Variants in AOX1 observed in about 807,000 individuals in gnomAD.
AOX1 encodes aldehyde oxidase 1.
AOX1 carries 153 observed loss-of-function variants against 169.5 expected under a neutral mutation model. That is an observed-to-expected ratio of 0.90 (90% CI 0.79 to 1.03). The LOEUF is 1.03. AOX1 is among the 50% of genes least tolerant of loss of function. The pLI is 0.00. For missense variants in AOX1, 1,656 were observed against 1,663.9 expected (o/e 1.00, Z 0.08); for synonymous variants, 562 against 581.9 (o/e 0.97, Z 0.49).
chr2:200,662,869 A>C lies in AOX1; in HGVS notation c.3443A>C (p.Asp1148Ala). Residue 1148 changes from aspartate to alanine, a missense_variant, in exon 31 of 35, where the codon GAC becomes GCC. Coordinates refer to ENST00000374700, the MANE Select transcript of AOX1 (RefSeq NM_001159.4). Reference sequence around the variant, plus strand: ...GTTTCTTCCAGAGGTTATGAGTCAGACATGAACTGGGAGAAAGGCGAAGGC... The same window carrying C: ...GTTTCTTCCAGAGGTTATGAGTCAGCCATGAACTGGGAGAAAGGCGAAGGC... The part of the protein sequence containing the change: ...AVGYFRGYES[D>A]MNWEKGEGQP... 1 of 1,613,998 alleles carries C rather than the reference A, an allele frequency of 6.2e-7. No homozygotes were observed. The highest frequency in any genetic ancestry group is 8.5e-7 in the Non-Finnish European group (1 of 1,179,888).
chr2:200,616,096 A>G (rs766852129), intron 16 of AOX1, 33 bp downstream of exon 16: 32 of 1,483,492 alleles, frequency 2.2e-5, no homozygotes, highest in Non-Finnish European at 3.0e-5. Context: ...AAAAATTCAC[A>G]ATCTGGGCTA....
chr2:200,647,567 G>A (rs113487822), intron 25 of AOX1, among the ~76,000 whole-genome samples: 4,092 of 152,224 alleles, frequency 0.027, 171 homozygotes, highest in African/African-American at 0.089. Flanking sequence ...ATGTGCCTAC[G>A]TGAAGATCTT....
downstream of AOX1, among the ~76,000 whole-genome samples, chr2:200,673,505 C>G (rs143398871): frequency 4.6e-5 from 7 of 152,198 alleles, no homozygotes; most frequent in Non-Finnish European, 1.5e-5. Context: ...CTCTTTATTT[C>G]CATAGCCTCT....
chr2:200,637,489 A>G (rs1247462298), intron 22 of AOX1, among the ~76,000 whole-genome samples: 1 of 152,158 alleles, frequency 6.6e-6, no homozygotes, highest in African/African-American at 2.4e-5. Flanking sequence ...GTTTGTGTGT[A>G]TATATGTACA....
intron 5 of AOX1, 124 bp from the exon 6 acceptor site, chr2:200,602,160 A>T: frequency 3.0e-6 from 2 of 677,708 alleles, no homozygotes; most frequent in Non-Finnish European, 5.1e-6. Context: ...TTTGTAGATT[A>T]GGTGGACTAA....
At chr2:200,637,120 A>AT (rs2035251349) in intron 22 of AOX1, 76 bp downstream of exon 22, 1 of 1,556,712 alleles carries the variant, frequency 6.4e-7, no homozygotes, top group South Asian at 1.2e-5. Flanking sequence ...ATGAGGAAGA[A>AT]CCTGGGCCAA....
At chr2:200,680,521 G>A (rs2036142607), downstream of AOX1, among the ~76,000 whole-genome samples, 1 of 129,310 alleles carries the variant, frequency 7.7e-6, no homozygotes. Context: ...GTGTGTGTTT[G>A]TCTCAGGGCC....
rs138780561 is a variant in AOX1 at position 200,651,032 on chromosome 2, A to G, written c.2906A>G (p.Asn969Ser). 1.0e-4 allele frequency: 169 copies of G among 1,614,272 alleles called. 1 individual carries two copies. Among genetic ancestry groups the G allele is most frequent in the South Asian group, 4.9e-4 (45 of 91,090 alleles). Residue 969 changes from asparagine (N) to serine (S), a missense_variant, in exon 26 of 35, where the codon AAT (asparagine) becomes AGT (serine). Transcript: ENST00000374700. The stretch of plus-strand genomic sequence containing the variant: ...CAAACACCCTACAAACAAGAGATCA[A>G]TGCCAAGAACCTAATCCAGTGTTGG... ...IDQTPYKQEINAKNLIQCWRE... is the reference protein window; with the variant it reads ...IDQTPYKQEISAKNLIQCWRE...
chr2:200,648,856 T>G (rs554763506), intron 25 of AOX1, among the ~76,000 whole-genome samples: 1 of 152,120 alleles, frequency 6.6e-6, no homozygotes, highest in African/African-American at 2.4e-5. Context: ...ATGCAGGTTG[T>G]TAGGGAAGTA....
intron 1 of AOX1, among the ~76,000 whole-genome samples, chr2:200,592,166 C>G (rs2034186323): frequency 6.6e-6 from 1 of 152,188 alleles, no homozygotes; most frequent in Non-Finnish European, 1.5e-5. Flanking sequence ...CACATACACA[C>G]ACACAAACAG....
chr2:200,609,704 G>A (rs538423647), intron 12 of AOX1, among the ~76,000 whole-genome samples: 1 of 152,242 alleles, frequency 6.6e-6, no homozygotes, highest in South Asian at 2.1e-4. Context: ...TTATTGCTGG[G>A]AACTACATAC....
At chr2:200,662,779 C>T (rs2035852566) in intron 30 of AOX1, 76 bp from the exon 31 acceptor site, 3 of 1,158,050 alleles carry the variant, frequency 2.6e-6, no homozygotes, top group South Asian at 2.5e-5. Flanking sequence ...TGCATAAATC[C>T]TCATGGGTCT....
intron 5 of AOX1, 121 bp downstream of exon 5, chr2:200,599,867 C>A (rs2034372590): frequency 7.2e-6 from 5 of 696,700 alleles, no homozygotes; most frequent in Non-Finnish European, 1.0e-5. Context: ...CCCACTGTAA[C>A]CTCCGCCTCC....
chr2:200,656,561 A>G (rs1164445851), intron 26 of AOX1, among the ~76,000 whole-genome samples: 2 of 152,008 alleles, frequency 1.3e-5, no homozygotes, highest in African/African-American at 2.4e-5. Flanking sequence ...AAGAAAATGG[A>G]TTTCCATTTT....
At chr2:200,609,757 G>T (rs1198063222) in intron 12 of AOX1, among the ~76,000 whole-genome samples, 1 of 152,188 alleles carries the variant, frequency 6.6e-6, no homozygotes, top group Non-Finnish European at 1.5e-5. Context: ...CATTCTCCAG[G>T]TGGTACAGGA....
At chr2:200,633,134 C>G (rs952318801) in intron 20 of AOX1, among the ~76,000 whole-genome samples, 2 of 152,110 alleles carry the variant, frequency 1.3e-5, no homozygotes, top group Non-Finnish European at 2.9e-5. Flanking sequence ...AGTAGTGTTT[C>G]TTTCTCATAG....
chr2:200,587,615 A>G (rs540182025), intron 1 of AOX1, among the ~76,000 whole-genome samples: 5 of 152,312 alleles, frequency 3.3e-5, no homozygotes, highest in South Asian at 4.1e-4. Context: ...TGGGTTCTAC[A>G]TTGGATAAGA....
At chr2:200,639,303 G>A (rs556186650) in intron 23 of AOX1, among the ~76,000 whole-genome samples, 4 of 152,282 alleles carry the variant, frequency 2.6e-5, no homozygotes, top group Admixed American at 6.5e-5. Context: ...GTGTCACCTG[G>A]TAGGTGTTTT....
intron 20 of AOX1, among the ~76,000 whole-genome samples, chr2:200,628,410 G>T (rs1014030709): frequency 6.6e-6 from 1 of 151,974 alleles, no homozygotes; most frequent in Non-Finnish European, 1.5e-5. Flanking sequence ...AGAAAAAGAG[G>T]TTCATCATAA....
Sources: gnomAD v4.1 joint callset for allele counts (sites outside exome capture counted in the v4.1 genomes callset) on GRCh38, gnomAD v4.1.1 for gene constraint, MANE v1.5 for transcripts, NCBI Gene and HGNC (gene_info 2026-07-23, HGNC 2026-07-21) for gene names.